Variants in CHRM3 observed in about 807,000 individuals in gnomAD.
CHRM3 encodes cholinergic receptor muscarinic 3.
Under a neutral mutation model 41.8 loss-of-function variants are expected in CHRM3, and 11 were observed. That is an observed-to-expected ratio of 0.26 (90% confidence interval 0.17 to 0.44). CHRM3 has a LOEUF of 0.44. CHRM3 is among the 20% of genes least tolerant of loss of function. The probability of loss-of-function intolerance (pLI) is 1.00; values close to 1 mark genes in which losing one functional copy is unlikely to be tolerated. For synonymous variants in CHRM3, 297 were observed against 301.4 expected, an observed-to-expected ratio of 0.99 and a Z score of 0.15; for missense variants, 571 against 745.4, an observed-to-expected ratio of 0.77 and a Z score of 2.72.
rs148105211 is a variant in CHRM3, at chr1:239,812,662, T to A, written c.-146-14590T>A. On this transcript the variant is annotated intron_variant, in intron 5 of 6. Coordinates refer to ENST00000676153, the MANE Select transcript of CHRM3 (RefSeq NM_001375978.1). ...AAAAATTTATTTTCAAACATATGCT[T>A]CTAATGAGCAAACTATCCATTTATC... is the stretch of plus-strand genomic sequence containing the variant. 3.9e-5 allele frequency among the ~76,000 whole-genome samples: 6 copies of A among 152,342 alleles called. No individual in the cohort carries two copies. In the East Asian group the frequency reaches 1.2e-3, roughly 29 times the overall value.
At chr1:239,821,853 A>ATCATGGGG (rs1424630379) in intron 5 of CHRM3, among the ~76,000 whole-genome samples, 1 of 152,184 alleles carries the variant, frequency 6.6e-6, no homozygotes. Flanking sequence ...AGGTAACTGG[A>ATCATGGGG]TCATGGGGTC....
chr1:239,856,056 A>G (rs1277472513), intron 6 of CHRM3, among the ~76,000 whole-genome samples: 1 of 152,142 alleles, frequency 6.6e-6, no homozygotes, highest in East Asian at 1.9e-4. Context: ...GCAAAAATCT[A>G]ACATTCTCCA....
rs549290438 is a variant in CHRM3 at position 239,748,013 on chromosome 1, C to T, written c.-147+69725C>T. Among the ~76,000 whole-genome samples the T allele has an allele frequency of 4.6e-5, 7 of 152,180 alleles. No individual in the cohort carries two copies. Among genetic ancestry groups the T allele is most frequent in the African/African-American group, 1.4e-4 (6 of 41,526 alleles). ...AATCGTGCCACGACTCCAGCCTGGA[C>T]GACAGGTGAGACTCTGTCTCAAAAA... On this transcript the variant is annotated intron_variant, in intron 5 of 6. Coordinates refer to ENST00000676153, the MANE Select transcript of CHRM3 (RefSeq NM_001375978.1). This position sits in a 1 kb window ranked among gnomAD's most constrained non-coding sequence, Gnocchi z 4.3.
chr1:239,793,803 ATTTTTTTT>A (rs67460907), intron 5 of CHRM3, among the ~76,000 whole-genome samples: 8 of 69,496 alleles, frequency 1.2e-4, no homozygotes, highest in South Asian at 6.5e-4. Flanking sequence ...TGAAATGTGT[ATTTTTTTT>A]TTTTTTTTTT....
chr1:239,736,411 T>TA (rs2148460422), intron 5 of CHRM3, among the ~76,000 whole-genome samples: 1 of 152,174 alleles, frequency 6.6e-6, no homozygotes, highest in East Asian at 1.9e-4. Context: ...AATAATATAA[T>TA]AAAAACAACA....
Position 239,909,138 on chromosome 1 carries a change from T to C in CHRM3, c.1687T>C (p.Cys563Arg), listed in dbSNP as rs146699885. The C allele has an allele frequency of 8.7e-6, 14 of 1,613,830 alleles. No individual in the cohort carries two copies. The highest frequency in any genetic ancestry group is 1.2e-5 in the Non-Finnish European group (14 of 1,179,974). ...TTFKMLLLCQ[C>R]DKKKRRKQQY... ...TTTCAAGATGCTGCTGCTGTGCCAGTGTGACAAAAAAAAGAGGCGCAAGCA... is the reference window on the plus strand; with the variant it reads ...TTTCAAGATGCTGCTGCTGTGCCAGCGTGACAAAAAAAAGAGGCGCAAGCA... Residue 563 changes from cysteine (C) to arginine (R), a missense_variant, in exon 7 of 7, where the codon TGT becomes CGT. Around this residue, in one of 5 missense-constraint regions of CHRM3, gnomAD observed 44 missense variants for 39.7 expected, o/e 1.11. Coordinates refer to ENST00000676153, the MANE Select transcript of CHRM3 (RefSeq NM_001375978.1).
chr1:239,739,492 T>C (rs1480907496), intron 5 of CHRM3, among the ~76,000 whole-genome samples: 3 of 152,176 alleles, frequency 2.0e-5, no homozygotes, highest in African/African-American at 4.8e-5. Flanking sequence ...AAACTCCCCT[T>C]GTGCGTAGAA....
At chr1:239,813,365 T>C (rs942398746) in intron 5 of CHRM3, among the ~76,000 whole-genome samples, 2 of 152,172 alleles carry the variant, frequency 1.3e-5, no homozygotes, top group African/African-American at 4.8e-5. Flanking sequence ...TATTAATGGT[T>C]CTAAGAAATA....
intron 6 of CHRM3, among the ~76,000 whole-genome samples, chr1:239,865,180 C>T (rs1350559312): frequency 6.6e-6 from 1 of 152,150 alleles, no homozygotes; most frequent in East Asian, 1.9e-4. Flanking sequence ...ATGGAATCTC[C>T]TCTGTGATAT....
At chr1:239,656,620 A>T (rs1414090182) in intron 4 of CHRM3, among the ~76,000 whole-genome samples, 1 of 152,168 alleles carries the variant, frequency 6.6e-6, no homozygotes. Context: ...CAACCTGTGC[A>T]ACAGAGCGAG....
rs1218052905 is a variant in CHRM3, at chr1:239,642,919, A to G, written c.-250+10633A>G. On this transcript the variant is annotated intron_variant, in intron 4 of 6. Coordinates refer to ENST00000676153, the MANE Select transcript of CHRM3 (RefSeq NM_001375978.1). ...TTTTATCTACTTTTGGTCTTTGATG[A>G]TGGTGATGTACAGATGGGTTTTTGG... is the stretch of plus-strand genomic sequence containing the variant. 3.3e-5 allele frequency among the ~76,000 whole-genome samples: 5 copies of G among 151,998 alleles called. No individual in the cohort carries two copies. The South Asian group carries it at 8.3e-4, about 25-fold the overall frequency.
intron 5 of CHRM3, among the ~76,000 whole-genome samples, chr1:239,819,706 G>A (rs569114604): frequency 6.4e-4 from 97 of 152,310 alleles, no homozygotes; most frequent in African/African-American, 2.3e-3. Flanking sequence ...ATCACCATGA[G>A]CTTAGACATA....
At chr1:239,418,195 A>C (rs1399579529) in intron 1 of CHRM3, among the ~76,000 whole-genome samples, 6 of 152,208 alleles carry the variant, frequency 3.9e-5, no homozygotes, top group Non-Finnish European at 1.5e-5. Flanking sequence ...AAGACCCAGC[A>C]CTGCTAAAAC....
chr1:239,639,202 C>T (rs1262437083), intron 4 of CHRM3, among the ~76,000 whole-genome samples: 1 of 152,200 alleles, frequency 6.6e-6, no homozygotes, highest in South Asian at 2.1e-4. Context: ...TAGTATGATG[C>T]CTCCAGCTTT....
intron 5 of CHRM3, among the ~76,000 whole-genome samples, chr1:239,694,197 G>A (rs549438707): frequency 1.1e-4 from 16 of 152,112 alleles, no homozygotes; most frequent in East Asian, 5.8e-4. Flanking sequence ...TCCACCTCTC[G>A]AACTTGTTTT....
chr1:239,770,880 A>G (rs978774974), intron 5 of CHRM3, among the ~76,000 whole-genome samples: 2 of 152,082 alleles, frequency 1.3e-5, no homozygotes, highest in African/African-American at 4.8e-5. Context: ...TGAGGTCAGG[A>G]GTTTGAGACC....
chr1:239,420,589 A>C (rs1267860743), intron 1 of CHRM3, among the ~76,000 whole-genome samples: 1 of 152,178 alleles, frequency 6.6e-6, no homozygotes, highest in Non-Finnish European at 1.5e-5. Context: ...TATGTATTTC[A>C]TAATAAGAAA....
chr1:239,852,944 A>G (rs59372861), intron 6 of CHRM3, among the ~76,000 whole-genome samples: 4,779 of 152,182 alleles, frequency 0.031, 255 homozygotes, highest in African/African-American at 0.11. Flanking sequence ...TCTCTTATAA[A>G]AAGTTAATAC....
intron 2 of CHRM3, among the ~76,000 whole-genome samples, chr1:239,506,821 C>T (rs1164047335): frequency 1.3e-5 from 2 of 152,178 alleles, no homozygotes; most frequent in African/African-American, 2.4e-5. Flanking sequence ...GACAGAGCTG[C>T]CCAAGACCAT....
Sources: gnomAD v4.1 joint callset for allele counts (sites outside exome capture counted in the v4.1 genomes callset) on GRCh38, gnomAD v4.1.1 for gene constraint, gnomAD v4.1.1 regional missense constraint, Gnocchi (gnomAD v3.1) non-coding constraint, MANE v1.5 for transcripts, NCBI Gene and HGNC (gene_info 2026-07-23, HGNC 2026-07-21) for gene names.